Variants in PTPRT observed in about 807,000 individuals in gnomAD.
PTPRT encodes protein tyrosine phosphatase receptor type T.
Under a neutral mutation model 176.8 loss-of-function variants are expected in PTPRT, and 56 were observed. That is an observed-to-expected ratio of 0.32 (90% CI 0.26 to 0.40). The LOEUF (loss-of-function observed/expected upper bound fraction) is 0.40. Among genes scored for constraint, PTPRT ranks in the 10% least tolerant of loss-of-function variants. The pLI is 1.00. For missense variants in PTPRT, 1,540 were observed against 1,908.2 expected, an observed-to-expected ratio of 0.81 and a Z score of 3.60; for synonymous variants, 783 against 739.0, an observed-to-expected ratio of 1.06 and a Z score of -0.96.
At chr20:42,136,019 C>T (rs1291402230) in intron 18 of PTPRT, among the ~76,000 whole-genome samples, 1 of 152,056 alleles carries the variant, frequency 6.6e-6, no homozygotes, top group Non-Finnish European at 1.5e-5. Context: ...GGTTCACTTT[C>T]CTCTTTCATA....
intron 7 of PTPRT, among the ~76,000 whole-genome samples, chr20:42,622,904 C>T (rs928232150): frequency 2.0e-5 from 3 of 152,172 alleles, no homozygotes; most frequent in Admixed American, 2.0e-4. Flanking sequence ...ACAGGCATTC[C>T]TGTTTTTGCA....
intron 7 of PTPRT, among the ~76,000 whole-genome samples, chr20:42,668,937 C>T (rs1310020445): frequency 2.1e-5 from 3 of 143,758 alleles, no homozygotes; most frequent in South Asian, 2.2e-4. Flanking sequence ...GTCTCGATCT[C>T]CTGACCTCAT....
At chr20:42,976,003 A>C (rs376444998) in intron 1 of PTPRT, among the ~76,000 whole-genome samples, 1 of 150,016 alleles carries the variant, frequency 6.7e-6, no homozygotes, top group South Asian at 2.1e-4. Context: ...CTCCTCCTTT[A>C]CACATGAAAT....
Position 42,077,232 on chromosome 20 carries a change from G to C in PTPRT, c.*3647C>G, listed in dbSNP as rs1982863515. ...AACTGTCCCCTTCCATTCCCACAAA[G>C]AGAGGCCTACTGTGGCCTTCTAGAG... On this transcript the variant is annotated 3_prime_UTR_variant, in exon 31 of 31. Transcript: ENST00000373187. 5.4e-6 allele frequency: 1 copy of C among 186,612 alleles called. No individual in the cohort carries two copies. Among genetic ancestry groups the C allele is most frequent in the Non-Finnish European group, 1.1e-5 (1 of 88,494 alleles). 11.6% of individuals were successfully genotyped at this position (186,612 alleles called of 1,614,324 possible).
intron 9 of PTPRT, among the ~76,000 whole-genome samples, chr20:42,403,161 T>C (rs1176701713): frequency 6.6e-6 from 1 of 152,180 alleles, no homozygotes. Context: ...ATTCTAGGTA[T>C]ACGATTTTTG....
chr20:42,975,813 G>A (rs958338873), intron 1 of PTPRT, among the ~76,000 whole-genome samples: 5 of 151,818 alleles, frequency 3.3e-5, no homozygotes, highest in East Asian at 3.9e-4. Context: ...CATGGCACAC[G>A]TATGCCTATG....
intron 2 of PTPRT, among the ~76,000 whole-genome samples, chr20:42,848,232 T>C (rs774802083): frequency 1.6e-4 from 24 of 152,224 alleles, no homozygotes; most frequent in Admixed American, 1.4e-3. Context: ...CACTTGTTGA[T>C]TGATGGAGTT....
At chr20:43,134,064 A>G (rs1408158869) in intron 1 of PTPRT, among the ~76,000 whole-genome samples, 2 of 152,194 alleles carry the variant, frequency 1.3e-5, no homozygotes, top group African/African-American at 2.4e-5. Flanking sequence ...TCCACGGGAC[A>G]TGGAGGAACA....
At chr20:42,471,258 T>G (rs527296904) in intron 8 of PTPRT, among the ~76,000 whole-genome samples, 1 of 152,350 alleles carries the variant, frequency 6.6e-6, no homozygotes. Context: ...ATCAGTGCAG[T>G]CAAACCTTGG....
intron 2 of PTPRT, among the ~76,000 whole-genome samples, chr20:42,821,858 T>C (rs2077900467): frequency 6.6e-6 from 1 of 152,144 alleles, no homozygotes. Context: ...TAACAAGGGA[T>C]GTGAAAGATC....
chr20:42,537,670 T>C (rs2072500464), intron 7 of PTPRT, among the ~76,000 whole-genome samples: 1 of 152,192 alleles, frequency 6.6e-6, no homozygotes, highest in Admixed American at 6.5e-5. Context: ...GCACTGTGTA[T>C]GTCCCAAGCT....
At chr20:43,055,587 G>A (rs1014176512) in intron 1 of PTPRT, among the ~76,000 whole-genome samples, 1 of 152,180 alleles carries the variant, frequency 6.6e-6, no homozygotes, top group African/African-American at 2.4e-5. Flanking sequence ...CTCTGAAACG[G>A]TAGTGGAAGC....
At chr20:42,303,053 C>T (rs897927280) in intron 12 of PTPRT, among the ~76,000 whole-genome samples, 2 of 152,188 alleles carry the variant, frequency 1.3e-5, no homozygotes, top group Non-Finnish European at 2.9e-5. Context: ...AATGTAGTTT[C>T]TCTGCACCTC....
intron 7 of PTPRT, among the ~76,000 whole-genome samples, chr20:42,620,545 TG>T (rs2074173159): frequency 1.3e-5 from 2 of 150,436 alleles, no homozygotes; most frequent in African/African-American, 5.0e-5. Context: ...CCAGCCTCGT[TG>T]TCGCCTTGCA....
intron 17 of PTPRT, among the ~76,000 whole-genome samples, chr20:42,146,060 C>T (rs1988855287): frequency 6.6e-6 from 1 of 152,162 alleles, no homozygotes; most frequent in African/African-American, 2.4e-5. Context: ...CATATTGCCA[C>T]CAGTTTAGGC....
In PTPRT at chr20:42,620,890, A is replaced by T. The variant is rs541592167; in HGVS notation, c.1153+56976T>A. Among the ~76,000 whole-genome samples the T allele has an allele frequency of 3.2e-4, 48 of 152,164 alleles. 1 individual carries two copies. The highest frequency in any genetic ancestry group is 1.1e-3 in the African/African-American group (46 of 41,540). On this transcript the variant is annotated intron_variant, in intron 7 of 30. Coordinates refer to ENST00000373187, the MANE Select transcript of PTPRT (RefSeq NM_007050.6). Reference sequence around the variant, plus strand: ...GGTACCTCAGATGGAAATGCAGAAAACACCCGTCTTCTGCATCGCTCACGC... The same window carrying T: ...GGTACCTCAGATGGAAATGCAGAAATCACCCGTCTTCTGCATCGCTCACGC...
At chr20:42,867,730 G>A (rs1432746411) in intron 2 of PTPRT, among the ~76,000 whole-genome samples, 1 of 145,318 alleles carries the variant, frequency 6.9e-6, no homozygotes, top group East Asian at 2.0e-4. Context: ...CACCCAGGCT[G>A]GAGTCCAGAG....
In PTPRT at chr20:43,115,207, C is replaced by T. The variant is rs565278236; in HGVS notation, c.88+74439G>A. Among the ~76,000 whole-genome samples, 3 of 152,222 alleles carry T rather than the reference C, an allele frequency of 2.0e-5. No individual in the cohort carries two copies. In the South Asian group the frequency reaches 6.2e-4, roughly 32 times the overall value. On this transcript the variant is annotated intron_variant, in intron 1 of 30. Coordinates refer to ENST00000373187, the MANE Select transcript of PTPRT (RefSeq NM_007050.6). ...CTTCTTGGGAAAAGATGCCCAATTC[C>T]AATATTCCTGCCCTAGAAGGCCCCA...
At chr20:43,164,149 C>A (rs185233510) in intron 1 of PTPRT, among the ~76,000 whole-genome samples, 353 of 152,250 alleles carry the variant, frequency 2.3e-3, no homozygotes, top group Non-Finnish European at 3.6e-3. Flanking sequence ...ACCTTAAATT[C>A]CAATTATCTC....
Sources: gnomAD v4.1 joint callset for allele counts (sites outside exome capture counted in the v4.1 genomes callset) on GRCh38, gnomAD v4.1.1 for gene constraint, MANE v1.5 for transcripts, NCBI Gene and HGNC (gene_info 2026-07-23, HGNC 2026-07-21) for gene names.